Variants in PPARG observed in about 807,000 individuals in gnomAD.
The protein encoded by PPARG is peroxisome proliferator activated receptor gamma, also known as peroxisome proliferator-activated receptor gamma.
In PPARG, 17 loss-of-function variants were observed where a neutral mutation model predicts 39.2. The observed-to-expected ratio is 0.43, with a 90% CI of 0.30 to 0.65. The LOEUF (loss-of-function observed/expected upper bound fraction) is 0.65, where lower values mean the gene tolerates loss of function less well. Among genes scored for constraint, PPARG ranks in the 30% least tolerant of loss-of-function variants. PPARG has a pLI of 0.13. For missense variants in PPARG, 406 were observed against 585.9 expected (o/e 0.69, Z 3.17); for synonymous variants, 223 against 215.7 (o/e 1.03, Z -0.30).
chr3:12,377,418 G>A (rs968381125), intron 2 of PPARG, among the ~76,000 whole-genome samples: 3 of 151,916 alleles, frequency 2.0e-5, no homozygotes, highest in Non-Finnish European at 2.9e-5. Context: ...TCTCAATGTG[G>A]GGAAAACTTT....
chr3:12,393,910 G>A (rs940868802), intron 5 of PPARG, among the ~76,000 whole-genome samples: 1 of 152,152 alleles, frequency 6.6e-6, no homozygotes, highest in Non-Finnish European at 1.5e-5. Flanking sequence ...TAATGGGTCA[G>A]TTCCTCTAAA....
chr3:12,344,110 C>T (rs1389869889), intron 2 of PPARG, among the ~76,000 whole-genome samples: 1 of 152,048 alleles, frequency 6.6e-6, no homozygotes, highest in Non-Finnish European at 1.5e-5. Flanking sequence ...ATCCACCCAC[C>T]TCGGCTTCCC....
At chr3:12,348,077 G>A in intron 2 of PPARG, among the ~76,000 whole-genome samples, 1 of 152,222 alleles carries the variant, frequency 6.6e-6, no homozygotes, top group Non-Finnish European at 1.5e-5. Context: ...TCATTCTAGA[G>A]AATAAATTCC....
chr3:12,301,171 G>A (rs180745681), intron 1 of PPARG, among the ~76,000 whole-genome samples: 1 of 152,326 alleles, frequency 6.6e-6, no homozygotes, highest in African/African-American at 2.4e-5. Context: ...GTTGGACCTC[G>A]TAGTTGTTCT....
Position 12,417,005 on chromosome 3 carries a change from G to A in PPARG, c.1031G>A (p.Gly344Asp). The A allele has an allele frequency of 6.2e-7, 1 of 1,613,960 alleles. No individual in the cohort carries two copies. Among genetic ancestry groups the A allele is most frequent in the Non-Finnish European group, 8.5e-7 (1 of 1,179,930 alleles). Residue 344 changes from glycine to aspartate, a missense_variant, in exon 7 of 8, where the codon GGC becomes GAC. Gly to Asp is a moderately conservative substitution (Grantham distance 94). Around this residue, in one of 2 missense-constraint regions of PPARG, gnomAD observed 275 missense variants for 458.0 expected, o/e 0.60. Coordinates refer to ENST00000651735, the MANE Select transcript of PPARG (RefSeq NM_138711.6). ...GGGGTTCTCATATCCGAGGGCCAAG[G>A]CTTCATGACAAGGGAGTTTCTAAAG... ...KDGVLISEGQGFMTREFLKSL... is the reference protein window; with the variant it reads ...KDGVLISEGQDFMTREFLKSL...
chr3:12,425,923 C>T (rs545768768), intron 7 of PPARG, among the ~76,000 whole-genome samples: 120 of 152,282 alleles, frequency 7.9e-4, no homozygotes, highest in African/African-American at 2.6e-3. Context: ...ATGACAGAGC[C>T]CATGCTCAGT....
At chr3:12,379,016 G>GT (rs1228853081) in intron 2 of PPARG, among the ~76,000 whole-genome samples, 3 of 151,510 alleles carry the variant, frequency 2.0e-5, no homozygotes, top group Non-Finnish European at 2.9e-5. Flanking sequence ...TTTGGTTTAG[G>GT]TTTTTTTTGA....
rs561372151 is a variant in PPARG at position 12,336,446 on chromosome 3, GA to G, written c.-9+24002del. On this transcript the variant is annotated intron_variant, in intron 2 of 7. Coordinates refer to ENST00000651735, the MANE Select transcript of PPARG (RefSeq NM_138711.6). ...TGACATCTACTAGAAACACTTCAGA[GA>G]AAAAAAAAGATGGAAGATAATAGTT... is the stretch of plus-strand genomic sequence containing the variant. Among the ~76,000 whole-genome samples, 931 of 149,936 alleles carry G rather than the reference GA, an allele frequency of 6.2e-3. 5 individuals carry two copies. The highest frequency in any genetic ancestry group is 0.019 in the African/African-American group (766 of 40,938).
intron 2 of PPARG, among the ~76,000 whole-genome samples, chr3:12,313,134 ACTATTGATTTTGGTAAATCATGAG>A (rs1186169124): frequency 1.3e-5 from 2 of 152,220 alleles, no homozygotes; most frequent in Non-Finnish European, 2.9e-5. Flanking sequence ...TAGTTTTAGG[ACTATTGATTTTGGTAAATCATGAG>A]CTATCACAGA....
intron 2 of PPARG, among the ~76,000 whole-genome samples, chr3:12,327,024 A>C (rs963410531): frequency 2.0e-5 from 3 of 151,976 alleles, no homozygotes; most frequent in Non-Finnish European, 4.4e-5. Context: ...ATTTTTTTTC[A>C]AAATCTGCAT....
At chr3:12,423,189 C>T (rs1575149658) in intron 7 of PPARG, among the ~76,000 whole-genome samples, 1 of 152,184 alleles carries the variant, frequency 6.6e-6, no homozygotes, top group South Asian at 2.1e-4. Flanking sequence ...TAATCAGATA[C>T]CATCTTATAC....
intron 2 of PPARG, among the ~76,000 whole-genome samples, chr3:12,342,699 A>G (rs889707400): frequency 6.6e-6 from 1 of 152,300 alleles, no homozygotes; most frequent in Admixed American, 6.5e-5. Context: ...CATTGGTTAT[A>G]TCTGGTAGTG....
Position 12,338,743 on chromosome 3 carries a change from C to T in PPARG, c.-9+26290C>T, listed in dbSNP as rs2048088700. ...CTCTTCTGTGAAACATTCCTTTCTA[C>T]AGTATTACTGGATCTAGTTTGAACT... On this transcript the variant is annotated intron_variant, in intron 2 of 7. Transcript: ENST00000651735. Among the ~76,000 whole-genome samples the T allele has an allele frequency of 2.6e-5, 4 of 152,092 alleles. No individual in the cohort carries two copies. The South Asian group carries it at 8.3e-4, about 31-fold the overall frequency.
chr3:12,407,441 A>G (rs709147), intron 6 of PPARG, among the ~76,000 whole-genome samples: 46,374 of 152,056 alleles, frequency 0.3, 7,899 homozygotes, highest in East Asian at 0.43. Context: ...GATTACAGGC[A>G]TGAGCCACCG....
At chr3:12,321,606 T>C (rs2047547402) in intron 2 of PPARG, among the ~76,000 whole-genome samples, 1 of 152,178 alleles carries the variant, frequency 6.6e-6, no homozygotes, top group Admixed American at 6.5e-5. Context: ...GACCAAGCAA[T>C]CCATCGTTTC....
chr3:12,296,066 A>G (rs945169145), intron 1 of PPARG, among the ~76,000 whole-genome samples: 1 of 151,720 alleles, frequency 6.6e-6, no homozygotes, highest in African/African-American at 2.4e-5. Context: ...AGCCTGGCCA[A>G]CGTGGCAGAA....
rs143287325 is a variant in PPARG at position 12,393,190 on chromosome 3, A to AT, written c.529+462dup. Among the ~76,000 whole-genome samples, 764 of 111,450 alleles carry AT rather than the reference A, an allele frequency of 6.9e-3. 2 individuals carry two copies. The highest frequency in any genetic ancestry group is 8.6e-3 in the East Asian group (33 of 3,830). The allele number at this position is 111,450 out of a possible 152,430, so 73.1% of individuals were successfully genotyped here. The stretch of plus-strand genomic sequence containing the variant: ...GCATATGAGAATTTAGATTCATTTA[A>AT]TTTTTTTTTTTTTTTTTTTTTTTTG... On this transcript the variant is annotated intron_variant, in intron 5 of 7. Transcript: ENST00000651735.
chr3:12,420,628 G>A (rs2051228599), intron 7 of PPARG, among the ~76,000 whole-genome samples: 1 of 77,904 alleles, frequency 1.3e-5, no homozygotes, highest in African/African-American at 2.0e-4. Flanking sequence ...AGAGTGGGCG[G>A]GGGTAAGGAA....
intron 5 of PPARG, chr3:12,399,589 T>TAA (rs199689761): frequency 1.8e-4 from 21 of 119,138 alleles, no homozygotes; most frequent in Admixed American, 5.8e-4. Context: ...CCTGTCTCTT[T>TAA]AAAAAAAAAA....
Sources: gnomAD v4.1 joint callset for allele counts (sites outside exome capture counted in the v4.1 genomes callset) on GRCh38, gnomAD v4.1.1 for gene constraint, gnomAD v4.1.1 regional missense constraint, MANE v1.5 for transcripts, NCBI Gene and HGNC (gene_info 2026-07-23, HGNC 2026-07-21) for gene names.